Variants in GPI observed in about 807,000 individuals in gnomAD.
The protein encoded by GPI is glucose-6-phosphate isomerase.
In GPI, 56 loss-of-function variants were observed where a neutral mutation model predicts 75.8. The observed-to-expected ratio is 0.74, with a 90% CI of 0.60 to 0.92. The LOEUF (loss-of-function observed/expected upper bound fraction) is 0.92. Among genes scored for constraint, GPI ranks in the 40% least tolerant of loss-of-function variants. The pLI, the probability that GPI is intolerant of heterozygous loss-of-function variation, is 0.00. For missense variants in GPI, 638 were observed against 741.0 expected (o/e 0.86, Z 1.61); for synonymous variants, 288 against 285.4 (o/e 1.01, Z -0.09).
In GPI at chr19:34,393,557, C is replaced by G; in HGVS notation, c.866-171C>G. On this transcript the variant is annotated intron_variant, in intron 10 of 17. Transcript: ENST00000356487. This position sits in a 1 kb window ranked among gnomAD's most constrained non-coding sequence, Gnocchi z 4.4. ...CTCCTATCCTAGGCAGAGTCAGATCCCTGCACTCAGGGCCACCTCTCACTG... is the reference window on the plus strand; with the variant it reads ...CTCCTATCCTAGGCAGAGTCAGATCGCTGCACTCAGGGCCACCTCTCACTG... 1 of 729,624 alleles carries G rather than the reference C, an allele frequency of 1.4e-6. No homozygotes were observed. Among genetic ancestry groups the G allele is most frequent in the East Asian group, 2.7e-5 (1 of 37,496 alleles). 45.2% of individuals were successfully genotyped at this position (729,624 alleles called of 1,614,324 possible).
At chr19:34,378,878 A>G in intron 6 of GPI, 56 bp from the exon 7 acceptor site, 2 of 1,359,552 alleles carry the variant, frequency 1.5e-6, no homozygotes, top group Non-Finnish European at 2.1e-6. Context: ...ACCCTGGCTC[A>G]AGGCCTGCAC....
At position 34,368,669 on chromosome 19, in the gene GPI, C is replaced by T; in HGVS notation, c.369C>T (p.Asn123=). The T allele has an allele frequency of 6.2e-7, 1 of 1,614,178 alleles. No individual in the cohort carries two copies. The highest frequency in any genetic ancestry group is 1.3e-5 in the African/African-American group (1 of 75,040). ...GCAAGGATGTGATGCCAGAGGTCAA[C>T]AAGGTTCTGGACAAGATGAAGTCTT... The part of the protein sequence containing the change: ...VDGKDVMPEV[N]KVLDKMKSFC... The change falls in exon 4 of 18, where the codon AAC becomes AAT. Residue 123 remains asparagine (N), a synonymous_variant. Transcript: ENST00000356487.
chr19:34,396,626 A>C lies in GPI; in HGVS notation c.1238A>C (p.Gln413Pro). The change falls in exon 14 of 18, where the codon CAG becomes CCG. Residue 413 changes from glutamine (Q) to proline (P), a missense_variant. Physicochemically the swap from Gln to Pro is moderately conservative, Grantham distance 76 (BLOSUM62 -1). Transcript: ENST00000356487. ...GACTTCCTCATCCCGGTCCAGACCCAGCACCCCATACGGAAGGGTCTGCAT... is the reference window on the plus strand; with the variant it reads ...GACTTCCTCATCCCGGTCCAGACCCCGCACCCCATACGGAAGGGTCTGCAT... ...PCDFLIPVQTQHPIRKGLHHK... is the reference protein window; with the variant it reads ...PCDFLIPVQTPHPIRKGLHHK... 2 of 1,614,204 alleles carry C rather than the reference A, an allele frequency of 1.2e-6. No individual in the cohort carries two copies. Among genetic ancestry groups the C allele is most frequent in the Non-Finnish European group, 8.5e-7 (1 of 1,180,022 alleles).
At chr19:34,367,030 A>T (rs1416650975) in intron 3 of GPI, 179 bp downstream of exon 3, 1 of 702,676 alleles carries the variant, frequency 1.4e-6, no homozygotes, top group East Asian at 2.7e-5. Context: ...GCCTTCCACA[A>T]GATTGGTTTG....
intron 4 of GPI, among the ~76,000 whole-genome samples, chr19:34,369,157 T>G (rs1448766140): frequency 2.6e-5 from 4 of 151,766 alleles, no homozygotes; most frequent in Non-Finnish European, 5.9e-5. Context: ...CAAGCTATTC[T>G]CCTACCTCAG....
Position 34,394,062 on chromosome 19 carries a change from A to G in GPI, c.1058A>G (p.Gln353Arg). Residue 353 changes from glutamine to arginine, a missense_variant, in exon 12 of 18, where the codon CAG (glutamine) becomes CGG (arginine). Physicochemically the swap from Gln to Arg is conservative, Grantham distance 43. Transcript: ENST00000356487. ...QYLHRFAAYF[Q>R]QGDMESNGKY... ...CTGCACCGCTTTGCTGCGTACTTCC[A>G]GCAGGTACCAGCTGCCAAGCCAGGC... 1 of 1,610,194 alleles carries G rather than the reference A, an allele frequency of 6.2e-7. No individual in the cohort carries two copies. Among genetic ancestry groups the G allele is most frequent in the Non-Finnish European group, 8.5e-7 (1 of 1,179,036 alleles).
At chr19:34,399,175 C>T (rs762891031) in intron 14 of GPI, 32 bp from the exon 15 acceptor site, 10 of 1,604,082 alleles carry the variant, frequency 6.2e-6, no homozygotes, top group Non-Finnish European at 4.3e-6. Flanking sequence ...CCAGACAGTG[C>T]TCTCAAGCAT....
rs1283897313 is a variant in GPI at position 34,393,372 on chromosome 19, AG to A, written c.865+69del. ...CAGTGTTGCAGTCTAAGGTCGGGGTAGGGGGCTTGTGTCCCTGAACATCATG... is the reference window on the plus strand; with the variant it reads ...CAGTGTTGCAGTCTAAGGTCGGGGTAGGGGCTTGTGTCCCTGAACATCATG... On this transcript the variant is annotated intron_variant, in intron 10 of 17. Coordinates refer to ENST00000356487, the MANE Select transcript of GPI (RefSeq NM_000175.5). The surrounding 1 kb of genome is among the most constrained non-coding windows in gnomAD (Gnocchi z 4.4). 1.3e-5 allele frequency: 17 copies of A among 1,277,706 alleles called. No homozygotes were observed. Among genetic ancestry groups the A allele is most frequent in the Non-Finnish European group, 1.9e-5 (17 of 872,856 alleles). 79.1% of individuals were successfully genotyped at this position (1,277,706 alleles called of 1,614,324 possible).
In GPI at chr19:34,396,695, C is replaced by G. The variant is rs370082878; in HGVS notation, c.1269+38C>G. On this transcript the variant is annotated intron_variant, in intron 14 of 17. Transcript: ENST00000356487. Reference sequence around the variant, plus strand: ...ATCTGGCCCCATCTGGGGGGTCTGGCTCACATTGCACCCAGACCTCTGAAA... The same window carrying G: ...ATCTGGCCCCATCTGGGGGGTCTGGGTCACATTGCACCCAGACCTCTGAAA... The G allele has an allele frequency of 2.5e-5, 39 of 1,537,000 alleles. No homozygotes were observed. In the African/African-American group the frequency reaches 4.9e-4, roughly 19 times the overall value.
In GPI at chr19:34,381,476, A is replaced by T; in HGVS notation, c.761A>T (p.Lys254Met). ...TTTTTTTTTTTGTAGACCAAAGTGAAGGAGTTTGGAATTGACCCTCAAAAC... is the reference window on the plus strand; with the variant it reads ...TTTTTTTTTTTGTAGACCAAAGTGATGGAGTTTGGAATTGACCCTCAAAAC... ...VALSTNTTKV[K>M]EFGIDPQNMF... The change falls in exon 9 of 18, where the codon AAG becomes ATG. Residue 254 changes from lysine (K) to methionine (M), a missense_variant. Coordinates refer to ENST00000356487, the MANE Select transcript of GPI (RefSeq NM_000175.5). 1 of 1,605,696 alleles carries T rather than the reference A, an allele frequency of 6.2e-7. No individual in the cohort carries two copies. The highest frequency in any genetic ancestry group is 8.5e-7 in the Non-Finnish European group (1 of 1,172,596).
At chr19:34,385,985 G>T (rs1417932590) in intron 9 of GPI, among the ~76,000 whole-genome samples, 2 of 151,770 alleles carry the variant, frequency 1.3e-5, no homozygotes, top group African/African-American at 2.4e-5. Context: ...GGTAGAGCTG[G>T]CCCACTGGGT....
chr19:34,360,590 A>T (rs914362589), upstream of GPI, among the ~76,000 whole-genome samples: 1 of 152,028 alleles, frequency 6.6e-6, no homozygotes, highest in Non-Finnish European at 1.5e-5. Flanking sequence ...AGAGCGAGAC[A>T]CTGTTTCAAC....
chr19:34,366,387 C>T lies in GPI; in HGVS notation c.165C>T (p.Tyr55=). Residue 55 remains tyrosine (Y), a synonymous_variant, in exon 2 of 18, where the codon TAC becomes TAT. Transcript: ENST00000356487. The part of the protein sequence containing the change: ...NTNHGHILVD[Y]SKNLVTEDVM... ...ACCATGGGCATATCCTGGTGGATTA[C>T]TCCAAGAACCTGGTGACGGAGGACG... 2 of 1,613,768 alleles carry T rather than the reference C, an allele frequency of 1.2e-6. No homozygotes were observed. The highest frequency in any genetic ancestry group is 1.7e-6 in the Non-Finnish European group (2 of 1,179,602).
At chr19:34,394,193 A>T in intron 12 of GPI, 127 bp downstream of exon 12, 3 of 678,224 alleles carry the variant, frequency 4.4e-6, no homozygotes. Flanking sequence ...GCCAAGGTCC[A>T]TCTGTGCTCC....
chr19:34,392,204 C>CA (rs2074860704), intron 9 of GPI: 8 of 3,408 alleles, frequency 2.3e-3, no homozygotes, highest in East Asian at 0.011. Flanking sequence ...TTGGATCTGG[C>CA]CCCCTTATGA....
chr19:34,365,833 G>T (rs1201541729), intron 1 of GPI: 2 of 471,814 alleles, frequency 4.2e-6, no homozygotes, highest in Admixed American at 4.7e-5. Flanking sequence ...TGAGGGAGCT[G>T]GGTGGAAGGA....
At chr19:34,397,142 G>T (rs564803059) in intron 14 of GPI, 92 of 225,156 alleles carry the variant, frequency 4.1e-4, no homozygotes, top group African/African-American at 2.0e-3. Flanking sequence ...CAAATATCCA[G>T]CAGGCCCTGA....
upstream of GPI, chr19:34,365,166 C>T: frequency 1.6e-6 from 2 of 1,251,980 alleles, no homozygotes; most frequent in Non-Finnish European, 2.0e-6. Context: ...GCGCCTGCGC[C>T]ATAAAGGCCG....
intron 4 of GPI, among the ~76,000 whole-genome samples, chr19:34,375,054 C>G (rs79541600): frequency 1.3e-5 from 2 of 151,954 alleles, no homozygotes; most frequent in African/African-American, 4.8e-5. Context: ...TTTATTATGA[C>G]CACACTGTAC....
Sources: gnomAD v4.1 joint callset for allele counts (sites outside exome capture counted in the v4.1 genomes callset) on GRCh38, gnomAD v4.1.1 for gene constraint, Gnocchi (gnomAD v3.1) non-coding constraint, MANE v1.5 for transcripts, NCBI Gene and HGNC (gene_info 2026-07-23, HGNC 2026-07-21) for gene names.